C13orf42: variants seen among roughly 807,000 people sequenced by gnomAD.
The protein encoded by C13orf42 is uncharacterized protein C13orf42.
chr13:51,114,601 T>C (rs1415679943), upstream of C13orf42, among the ~76,000 whole-genome samples: 3 of 150,984 alleles, frequency 2.0e-5, no homozygotes, highest in Non-Finnish European at 4.4e-5. Context: ...AATAATATTC[T>C]ACTACAGATA....
At chr13:51,099,513 T>C (rs1005264671) in intron 1 of C13orf42, among the ~76,000 whole-genome samples, 8 of 152,232 alleles carry the variant, frequency 5.3e-5, no homozygotes, top group South Asian at 2.1e-4. Context: ...TTATCTATTA[T>C]AACTAAATAT....
rs896252145 is a variant in C13orf42 at position 51,107,311 on chromosome 13, T to C, written c.414+3485A>G. ...TCAAGTTACTGTGTCATGACAATTT[T>C]TTTAAAAAAAAATTAGAATAGCATA... On this transcript the variant is annotated intron_variant, in intron 1 of 3. Coordinates refer to ENST00000563710, the MANE Select transcript of C13orf42 (RefSeq NM_001351589.3). Among the ~76,000 whole-genome samples the C allele has an allele frequency of 2.0e-5, 3 of 152,340 alleles. No homozygotes were observed. The East Asian group carries it at 5.8e-4, about 29-fold the overall frequency.
At chr13:51,121,235 CG>C (rs529139688) in intron 1 of C13orf42, among the ~76,000 whole-genome samples, 223 of 152,246 alleles carry the variant, frequency 1.5e-3, no homozygotes, top group Non-Finnish European at 2.6e-3. Context: ...AGACCTAGAA[CG>C]GTGCCATGGG....
intron 1 of C13orf42, among the ~76,000 whole-genome samples, chr13:51,124,374 CCT>C (rs1474989263): frequency 6.6e-6 from 1 of 152,140 alleles, no homozygotes; most frequent in African/African-American, 2.4e-5. Flanking sequence ...TTGCAATTCC[CCT>C]GTCTTGATAA....
chr13:51,171,779 CT>C (rs936457584), intron 1 of C13orf42, among the ~76,000 whole-genome samples: 1 of 152,132 alleles, frequency 6.6e-6, no homozygotes, highest in African/African-American at 2.4e-5. Flanking sequence ...CGTTTAGGCT[CT>C]TTTTCATCAA....
intron 1 of C13orf42, among the ~76,000 whole-genome samples, chr13:51,142,280 C>T (rs941564363): frequency 2.0e-5 from 3 of 152,174 alleles, no homozygotes; most frequent in Admixed American, 6.5e-5. Flanking sequence ...AACGTTAATT[C>T]AGCTTATGCC....
chr13:51,155,202 G>C (rs1477807319), intron 1 of C13orf42, among the ~76,000 whole-genome samples: 1 of 152,146 alleles, frequency 6.6e-6, no homozygotes, highest in Non-Finnish European at 1.5e-5. Flanking sequence ...ACATGAATAA[G>C]ACCTAAACAT....
At chr13:51,086,006 G>A (rs562092873) in intron 2 of C13orf42, among the ~76,000 whole-genome samples, 1 of 151,860 alleles carries the variant, frequency 6.6e-6, no homozygotes, top group Non-Finnish European at 1.5e-5. Flanking sequence ...GACAGAGCGA[G>A]ACTCCGTCTC....
At chr13:51,154,087 AG>A (rs1172106081) in intron 1 of C13orf42, among the ~76,000 whole-genome samples, 3 of 152,086 alleles carry the variant, frequency 2.0e-5, no homozygotes, top group Admixed American at 1.3e-4. Context: ...TGAATCATAC[AG>A]CTTTTGTGTT....
chr13:51,088,203 A>G (rs150521190), intron 1 of C13orf42, 128 bp from the exon 2 acceptor site: 157 of 394,846 alleles, frequency 4.0e-4, no homozygotes, highest in Non-Finnish European at 4.9e-5. Flanking sequence ...AAAGGTAACT[A>G]TGAATAAGTG....
chr13:51,138,155 A>G (rs1953671038), intron 1 of C13orf42, among the ~76,000 whole-genome samples: 1 of 152,218 alleles, frequency 6.6e-6, no homozygotes, highest in Non-Finnish European at 1.5e-5. Context: ...CCCAAATGCC[A>G]GGATTCACTC....
chr13:51,122,509 G>C (rs1265311908), intron 1 of C13orf42, among the ~76,000 whole-genome samples: 3 of 150,216 alleles, frequency 2.0e-5, no homozygotes, highest in Admixed American at 1.3e-4. Context: ...ACTCCAGCCT[G>C]GGCGACAGAG....
intron 1 of C13orf42, among the ~76,000 whole-genome samples, chr13:51,167,579 G>A (rs1422239955): frequency 6.6e-6 from 1 of 152,190 alleles, no homozygotes; most frequent in Non-Finnish European, 1.5e-5. Context: ...GGGGAGTGCT[G>A]GGTGCATGGG....
chr13:51,132,309 C>T (rs936570136), intron 1 of C13orf42, among the ~76,000 whole-genome samples: 1 of 151,766 alleles, frequency 6.6e-6, no homozygotes, highest in Non-Finnish European at 1.5e-5. Flanking sequence ...GACGTGGTGG[C>T]GTAATCCTAG....
At chr13:51,119,201 T>C (rs1953514856) in intron 1 of C13orf42, among the ~76,000 whole-genome samples, 1 of 152,120 alleles carries the variant, frequency 6.6e-6, no homozygotes, top group Admixed American at 6.5e-5. Context: ...TGGCACGCCC[T>C]GTGGCTGCAA....
intron 1 of C13orf42, among the ~76,000 whole-genome samples, chr13:51,171,245 T>C (rs1432126422): frequency 6.6e-6 from 1 of 152,156 alleles, no homozygotes; most frequent in Non-Finnish European, 1.5e-5. Flanking sequence ...GCAATGCCGT[T>C]TGACCCCAAT....
intron 1 of C13orf42, among the ~76,000 whole-genome samples, chr13:51,099,659 G>T (rs866564654): frequency 6.6e-6 from 1 of 152,168 alleles, no homozygotes; most frequent in Middle Eastern, 3.2e-3. Context: ...TTTAGAGGCA[G>T]AATATCTCTC....
chr13:51,101,121 A>G (rs1215290591), intron 1 of C13orf42, among the ~76,000 whole-genome samples: 1 of 152,224 alleles, frequency 6.6e-6, no homozygotes, highest in Non-Finnish European at 1.5e-5. Context: ...TAAACAATGA[A>G]TAATTTTTCA....
At chr13:51,107,073 G>A (rs1162070765) in intron 1 of C13orf42, among the ~76,000 whole-genome samples, 5 of 152,160 alleles carry the variant, frequency 3.3e-5, no homozygotes, top group East Asian at 1.9e-4. Flanking sequence ...AGACCCACCC[G>A]AGGCTCACCT....
Sources: allele counts gnomAD v4.1 joint callset (sites outside exome capture counted in the v4.1 genomes callset), GRCh38; gene constraint gnomAD v4.1.1; transcripts MANE v1.5; gene names NCBI Gene and HGNC (gene_info 2026-07-23, HGNC 2026-07-21).